Variants in ART1 observed in about 807,000 individuals in gnomAD.
ART1 encodes GPI-linked NAD(P)(+)--arginine ADP-ribosyltransferase 1.
A neutral mutation model predicts 27.0 loss-of-function variants in ART1; 29 were observed. That is an observed-to-expected ratio of 1.08 (90% confidence interval 0.80 to 1.47). ART1 has a LOEUF of 1.47. Ranked by LOEUF, ART1 falls within the 40% of genes most tolerant of loss-of-function variation. The probability of loss-of-function intolerance (pLI) is 0.00; values close to 1 mark genes in which losing one functional copy is unlikely to be tolerated. For missense variants in ART1, 480 were observed against 423.0 expected, an observed-to-expected ratio of 1.13 and a Z score of -1.18; for synonymous variants, 201 against 172.2, an observed-to-expected ratio of 1.17 and a Z score of -1.31.
At chr11:3,654,833 G>T (rs533994463) in intron 1 of ART1, among the ~76,000 whole-genome samples, 8 of 152,174 alleles carry the variant, frequency 5.3e-5, no homozygotes, top group East Asian at 1.9e-4. Flanking sequence ...TCTTACTCAG[G>T]TCCACTAATT....
chr11:3,649,048 C>T (rs996206500), intron 1 of ART1, among the ~76,000 whole-genome samples: 3 of 151,952 alleles, frequency 2.0e-5, no homozygotes, highest in African/African-American at 7.3e-5. Flanking sequence ...GCGCCCAAAC[C>T]CCTTATTTCC....
chr11:3,651,117 TG>T (rs2077518720), intron 1 of ART1, among the ~76,000 whole-genome samples: 1 of 151,890 alleles, frequency 6.6e-6, no homozygotes, highest in South Asian at 2.1e-4. Context: ...ATCCACCCTG[TG>T]GTGCCAAACC....
chr11:3,661,640 G>A (rs1259084065), intron 4 of ART1, among the ~76,000 whole-genome samples: 2 of 152,038 alleles, frequency 1.3e-5, no homozygotes, highest in Non-Finnish European at 2.9e-5. Flanking sequence ...GGGATTACAG[G>A]CGCATGCCAC....
At chr11:3,652,115 C>T (rs2077527728) in intron 1 of ART1, among the ~76,000 whole-genome samples, 1 of 151,300 alleles carries the variant, frequency 6.6e-6, no homozygotes. Flanking sequence ...CCCTTCCCTA[C>T]ACATCAAGCT....
chr11:3,662,117 T>A (rs1442051188), intron 4 of ART1, among the ~76,000 whole-genome samples: 1 of 152,220 alleles, frequency 6.6e-6, no homozygotes, highest in Non-Finnish European at 1.5e-5. Flanking sequence ...CAGGGCTCCC[T>A]CAAACCCACC....
At chr11:3,652,825 T>C (rs976373420) in intron 1 of ART1, among the ~76,000 whole-genome samples, 1 of 151,168 alleles carries the variant, frequency 6.6e-6, no homozygotes, top group Non-Finnish European at 1.5e-5. Flanking sequence ...TCTAAACTCT[T>C]GAAGTAAATA....
intron 1 of ART1, among the ~76,000 whole-genome samples, chr11:3,647,030 A>G (rs548109575): frequency 6.6e-6 from 1 of 152,306 alleles, no homozygotes; most frequent in East Asian, 1.9e-4. Context: ...CAAAATAAAA[A>G]TAAAAACAGG....
intron 1 of ART1, among the ~76,000 whole-genome samples, chr11:3,647,363 C>T (rs911723908): frequency 1.3e-5 from 2 of 149,558 alleles, no homozygotes; most frequent in East Asian, 2.0e-4. Context: ...AGGCTGGGTG[C>T]GGTGGCTCAG....
chr11:3,659,246 T>G lies in ART1; in HGVS notation c.33T>G (p.Leu11=), dbSNP rs751641275. The change falls in exon 2 of 5, where the codon CTT becomes CTG. Residue 11 remains leucine, a synonymous_variant. Transcript: ENST00000250693. MQMPAMMSLL[L]VSVGLMEALQ... is the part of the protein sequence containing the mutation. ...TGCCTGCTATGATGTCTCTGCTTCT[T>G]GTGTCTGTGGGCCTCATGGAAGCAC... 1.9e-5 allele frequency: 31 copies of G among 1,614,108 alleles called. No homozygotes were observed. In the Admixed American group the frequency reaches 5.2e-4, roughly 27 times the overall value.
rs757796309 is a variant in ART1 at position 3,660,272 on chromosome 11, G to A, written c.753G>A (p.Val251=). Residue 251 remains valine, a synonymous_variant, in exon 3 of 5, where the codon GTG becomes GTA. Coordinates refer to ENST00000250693, the MANE Select transcript of ART1 (RefSeq NM_004314.3). ...TCCCCCCCTTTGAGACCTTCCAAGT[G>A]ATCAATGCCAGCAGACTGGCCCAGG... is the stretch of plus-strand genomic sequence containing the variant. ...VLIPPFETFQ[V]INASRLAQGP... 1.2e-6 allele frequency: 2 copies of A among 1,612,644 alleles called. No individual in the cohort carries two copies. Among genetic ancestry groups the A allele is most frequent in the Non-Finnish European group, 1.7e-6 (2 of 1,180,014 alleles).
intron 1 of ART1, chr11:3,655,577 A>C (rs1383586481): frequency 6.6e-6 from 1 of 152,240 alleles, no homozygotes; most frequent in South Asian, 2.1e-4. Context: ...GACAGCCTGC[A>C]TGAGAACTAT....
At position 3,659,769 on chromosome 11, in the gene ART1, A is replaced by G; in HGVS notation, c.250A>G (p.Ser84Gly). ...VYADSWTLAS[S>G]QWQERQARWP... ...TGCAGACAGCTGGACACTGGCAAGC[A>G]GCCAATGGCAGGAGCGTCAGGCCAG... Residue 84 changes from serine (S) to glycine (G), a missense_variant, in exon 3 of 5, where the codon AGC (serine) becomes GGC (glycine). Physicochemically the swap from Ser to Gly is moderately conservative, Grantham distance 56 (BLOSUM62 0). Coordinates refer to ENST00000250693, the MANE Select transcript of ART1 (RefSeq NM_004314.3). The G allele has an allele frequency of 5.6e-6, 9 of 1,613,756 alleles. No individual in the cohort carries two copies. Among genetic ancestry groups the G allele is most frequent in the Non-Finnish European group, 7.6e-6 (9 of 1,179,914 alleles).
intron 4 of ART1, among the ~76,000 whole-genome samples, chr11:3,663,104 C>CTCA (rs59726322): frequency 7.8e-5 from 9 of 115,716 alleles, no homozygotes; most frequent in Admixed American, 2.5e-4. Context: ...CTCATCTCAT[C>CTCA]TCATCTCATC....
At chr11:3,647,998 A>G (rs912337879) in intron 1 of ART1, among the ~76,000 whole-genome samples, 1 of 152,192 alleles carries the variant, frequency 6.6e-6, no homozygotes, top group Non-Finnish European at 1.5e-5. Flanking sequence ...TGTGACCTGC[A>G]CAAACACATC....
chr11:3,656,893 A>T (rs559315140), intron 1 of ART1, among the ~76,000 whole-genome samples: 2 of 152,344 alleles, frequency 1.3e-5, no homozygotes, highest in African/African-American at 4.8e-5. Flanking sequence ...TTTGAGGGGG[A>T]GAAGATAATG....
intron 1 of ART1, among the ~76,000 whole-genome samples, chr11:3,656,389 T>A (rs1589922217): frequency 3.7e-5 from 2 of 53,684 alleles, no homozygotes; most frequent in Admixed American, 8.7e-4. Context: ...TTTATTTATT[T>A]TTTAAATTTT....
chr11:3,657,947 G>A (rs550135304), intron 1 of ART1, among the ~76,000 whole-genome samples: 16 of 152,268 alleles, frequency 1.1e-4, no homozygotes, highest in Non-Finnish European at 1.8e-4. Context: ...AGATATTTAT[G>A]TACTGACATG....
chr11:3,655,217 A>G (rs1357298460), intron 1 of ART1, among the ~76,000 whole-genome samples: 1 of 152,220 alleles, frequency 6.6e-6, no homozygotes, highest in South Asian at 2.1e-4. Context: ...TCCAAAGAAA[A>G]GACTCTCAGT....
rs2077462954 is a variant in ART1 at position 3,645,167 on chromosome 11, G to A, written c.-65G>A. The A allele has an allele frequency of 6.6e-6, 1 of 152,226 alleles. No individual in the cohort carries two copies. Among genetic ancestry groups the A allele is most frequent in the Admixed American group, 6.5e-5 (1 of 15,290 alleles). 9.4% of individuals were successfully genotyped at this position (152,226 alleles called of 1,614,324 possible). A position where few individuals can be genotyped will look rare whatever the true frequency, so the allele number is the denominator to read the frequency against. On this transcript the variant is annotated 5_prime_UTR_variant, in exon 1 of 5. Coordinates refer to ENST00000250693, the MANE Select transcript of ART1 (RefSeq NM_004314.3). ...AGATCAGCAGCAGCTTCCCCACCCA[G>A]GACAAGGCCTAGGTAAGGAGTGCAC...
Sources: allele counts gnomAD v4.1 joint callset (sites outside exome capture counted in the v4.1 genomes callset), GRCh38; gene constraint gnomAD v4.1.1; transcripts MANE v1.5; gene names NCBI Gene and HGNC (gene_info 2026-07-23, HGNC 2026-07-21).